CAMK4: variants seen among roughly 807,000 people sequenced by gnomAD.
The protein encoded by CAMK4 is calcium/calmodulin-dependent protein kinase type IV.
Under a neutral mutation model 44.9 loss-of-function variants are expected in CAMK4, and 22 were observed. The ratio of observed to expected loss-of-function variants is 0.49; its 90% CI spans 0.35 to 0.70. The LOEUF (loss-of-function observed/expected upper bound fraction) is 0.70, where lower values mean the gene tolerates loss of function less well. Among genes scored for constraint, CAMK4 ranks in the 30% least tolerant of loss-of-function variants. The pLI is 0.01. For synonymous variants in CAMK4, 218 were observed against 215.4 expected, an observed-to-expected ratio of 1.01 and a Z score of -0.11; for missense variants, 498 against 586.8, an observed-to-expected ratio of 0.85 and a Z score of 1.56.
chr5:111,312,418 G>A (rs1748245984), intron 1 of CAMK4, among the ~76,000 whole-genome samples: 1 of 152,138 alleles, frequency 6.6e-6, no homozygotes, highest in African/African-American at 2.4e-5. Context: ...ATGTTGTTCT[G>A]AGAGTGAAAT....
intron 5 of CAMK4, among the ~76,000 whole-genome samples, chr5:111,397,082 A>G (rs577838965): frequency 6.6e-6 from 1 of 152,342 alleles, no homozygotes; most frequent in East Asian, 1.9e-4. Flanking sequence ...GTTATTATAC[A>G]TAATAAATTA....
chr5:111,257,084 G>A (rs1269960318), intron 1 of CAMK4, among the ~76,000 whole-genome samples: 4 of 152,186 alleles, frequency 2.6e-5, no homozygotes, highest in African/African-American at 9.7e-5. Flanking sequence ...TCAGGACATA[G>A]GCATGGGCAA....
intron 7 of CAMK4, among the ~76,000 whole-genome samples, chr5:111,453,273 G>A (rs1754298395): frequency 6.6e-6 from 1 of 152,166 alleles, no homozygotes; most frequent in Non-Finnish European, 1.5e-5. Flanking sequence ...GGGCCCAGGA[G>A]TAGATAACCT....
At position 111,344,092 on chromosome 5, in the gene CAMK4, T is replaced by A; in HGVS notation, c.230T>A (p.Leu77Ter). 1 of 1,591,154 alleles carries A rather than the reference T, an allele frequency of 6.3e-7. No homozygotes were observed. Among genetic ancestry groups the A allele is most frequent in the South Asian group, 1.1e-5 (1 of 90,502 alleles). ...CAGAAGCCTTATGCTCTCAAAGTGT[T>A]AAAGAAAACAGTAAGTTTATTTCTT... ...GTQKPYALKV[L>*]KKTVDKKIVR... is the part of the protein sequence containing the mutation. The change falls in exon 2 of 11, where the codon TTA becomes TAA. Residue 77 changes from leucine to a stop codon, truncating the protein, a stop_gained. Transcript: ENST00000282356. LOFTEE classifies it high-confidence loss of function.
chr5:111,454,860 G>A (rs1487360690), intron 7 of CAMK4, among the ~76,000 whole-genome samples: 2 of 74,036 alleles, frequency 2.7e-5, no homozygotes, highest in African/African-American at 6.6e-5. Context: ...AAGGGCTTAG[G>A]TAAAAAAAAA....
chr5:111,416,520 C>A (rs1023388747), intron 5 of CAMK4: 1 of 152,092 alleles, frequency 6.6e-6, no homozygotes, highest in Non-Finnish European at 1.5e-5. Context: ...CAGGAATATT[C>A]CAAGATACAT....
chr5:111,423,916 G>T (rs1025366895), intron 5 of CAMK4, among the ~76,000 whole-genome samples: 2 of 152,214 alleles, frequency 1.3e-5, no homozygotes, highest in Middle Eastern at 3.4e-3. Context: ...CACCAATAAG[G>T]CTATCAGGCT....
intron 2 of CAMK4, among the ~76,000 whole-genome samples, chr5:111,352,812 G>C (rs572058034): frequency 1.3e-5 from 2 of 151,988 alleles, no homozygotes; most frequent in African/African-American, 4.8e-5. Flanking sequence ...CCTCCCTTTA[G>C]GCCCCACCTT....
At chr5:111,239,679 T>A (rs191397060) in intron 1 of CAMK4, among the ~76,000 whole-genome samples, 1 of 152,312 alleles carries the variant, frequency 6.6e-6, no homozygotes, top group African/African-American at 2.4e-5. Context: ...ATAATAATGA[T>A]TAAATGAGGT....
At chr5:111,339,873 AT>A (rs919419120) in intron 1 of CAMK4, among the ~76,000 whole-genome samples, 3 of 150,922 alleles carry the variant, frequency 2.0e-5, no homozygotes, top group African/African-American at 7.3e-5. Context: ...ATATCTTTTC[AT>A]TTTTTTGTGG....
At chr5:111,407,936 G>A (rs1752496185) in intron 5 of CAMK4, among the ~76,000 whole-genome samples, 1 of 152,078 alleles carries the variant, frequency 6.6e-6, no homozygotes, top group South Asian at 2.1e-4. Context: ...AACCAGCCTG[G>A]CCAACATGGT....
intron 1 of CAMK4, among the ~76,000 whole-genome samples, chr5:111,321,861 T>G (rs1427408378): frequency 6.6e-6 from 1 of 152,182 alleles, no homozygotes; most frequent in Admixed American, 6.6e-5. Flanking sequence ...GATTTATCAT[T>G]TGTTAATCTC....
At position 111,249,626 on chromosome 5, in the gene CAMK4, G is replaced by C. The variant is rs1478667428; in HGVS notation, c.161+24982G>C. Among the ~76,000 whole-genome samples the C allele has an allele frequency of 1.1e-4, 15 of 137,302 alleles. No homozygotes were observed. The East Asian group carries it at 3.0e-3, about 28-fold the overall frequency. 90.1% of individuals were successfully genotyped at this position (137,302 alleles called of 152,430 possible). A position where few individuals can be genotyped will look rare whatever the true frequency, so the allele number is the denominator to read the frequency against. ...TTATTCTTGGTTCTTTTATATTTGTGTGTATATATATATATATATGTGTGT... is the reference window on the plus strand; with the variant it reads ...TTATTCTTGGTTCTTTTATATTTGTCTGTATATATATATATATATGTGTGT... On this transcript the variant is annotated intron_variant, in intron 1 of 10. Coordinates refer to ENST00000282356, the MANE Select transcript of CAMK4 (RefSeq NM_001744.6).
intron 4 of CAMK4, among the ~76,000 whole-genome samples, chr5:111,392,914 T>G (rs775686178): frequency 4.6e-5 from 7 of 152,126 alleles, no homozygotes; most frequent in Non-Finnish European, 7.4e-5. Context: ...CATAGCCTAT[T>G]ACTGACCCAG....
chr5:111,235,876 C>G (rs1748689762), intron 1 of CAMK4, among the ~76,000 whole-genome samples: 1 of 152,134 alleles, frequency 6.6e-6, no homozygotes, highest in South Asian at 2.1e-4. Flanking sequence ...GTGGGTGAGG[C>G]AGCTACTCAG....
chr5:111,377,016 C>A, intron 4 of CAMK4, 74 bp downstream of exon 4: 4 of 869,918 alleles, frequency 4.6e-6, no homozygotes, highest in South Asian at 3.1e-5. Context: ...AAGGACATTT[C>A]TCCTGAAACT....
chr5:111,290,903 C>T lies in CAMK4; in HGVS notation c.162-53121C>T, dbSNP rs1479720781. 6.6e-6 allele frequency among the ~76,000 whole-genome samples: 1 copy of T among 152,178 alleles called. No individual in the cohort carries two copies. Among genetic ancestry groups the T allele is most frequent in the Non-Finnish European group, 1.5e-5 (1 of 68,034 alleles). ...AGCAGATTTGGATTCCATCAAGAAA[C>T]TTGGGCTTATATAGTCCAAATCCCA... On this transcript the variant is annotated intron_variant, in intron 1 of 10. Transcript: ENST00000282356. The surrounding 1 kb of genome is among the most constrained non-coding windows in gnomAD (Gnocchi z 4.5).
intron 1 of CAMK4, among the ~76,000 whole-genome samples, chr5:111,333,701 A>G (rs184769041): frequency 6.6e-6 from 1 of 151,690 alleles, no homozygotes; most frequent in African/African-American, 2.4e-5. Flanking sequence ...GGATGCTGTT[A>G]GGCAACAACT....
intron 7 of CAMK4, among the ~76,000 whole-genome samples, chr5:111,453,934 G>A (rs1022533457): frequency 6.6e-6 from 1 of 152,134 alleles, no homozygotes; most frequent in South Asian, 2.1e-4. Flanking sequence ...GGGGTGTGTA[G>A]GTCAGATGGA....
Sources: allele counts gnomAD v4.1 joint callset (sites outside exome capture counted in the v4.1 genomes callset), GRCh38; gene constraint gnomAD v4.1.1; non-coding constraint Gnocchi (gnomAD v3.1); transcripts MANE v1.5; gene names NCBI Gene and HGNC (gene_info 2026-07-23, HGNC 2026-07-21).